NSD2: variants seen among roughly 807,000 people sequenced by gnomAD.
The protein encoded by NSD2 is histone-lysine N-methyltransferase NSD2.
In NSD2, 12 loss-of-function variants were observed where a neutral mutation model predicts 139.0. That is an observed-to-expected ratio of 0.09 (90% CI 0.06 to 0.14). NSD2 has a LOEUF of 0.14. Ranked by LOEUF, NSD2 falls within the 10% of genes least tolerant of loss-of-function variation. The pLI, the probability that NSD2 is intolerant of heterozygous loss-of-function variation, is 1.00. For synonymous variants in NSD2, 669 were observed against 648.7 expected, an observed-to-expected ratio of 1.03 and a Z score of -0.48; for missense variants, 1,155 against 1,745.0, an observed-to-expected ratio of 0.66 and a Z score of 6.02.
chr4:1,950,889 C>T (rs181938529), intron 9 of NSD2, among the ~76,000 whole-genome samples, 183 bp from the exon 10 acceptor site: 5 of 151,046 alleles, frequency 3.3e-5, no homozygotes, highest in East Asian at 2.0e-4. Flanking sequence ...GCCTAATTGA[C>T]GGGTTATATT....
intron 18 of NSD2, among the ~76,000 whole-genome samples, chr4:1,963,868 C>T (rs148612657): frequency 0.015 from 2,350 of 152,188 alleles, 33 homozygotes; most frequent in Non-Finnish European, 0.022. Context: ...AAAAATTAGC[C>T]GTGCCTGTGA....
intron 16 of NSD2, among the ~76,000 whole-genome samples, chr4:1,959,254 G>A (rs1404915677): frequency 6.6e-6 from 1 of 152,158 alleles, no homozygotes. Context: ...ATGTGAGGGG[G>A]CGTTGTGTTG....
chr4:1,886,076 C>T (rs1715056438), intron 1 of NSD2, among the ~76,000 whole-genome samples: 1 of 152,220 alleles, frequency 6.6e-6, no homozygotes. Flanking sequence ...CTTATCTTTT[C>T]CTTTACGAAA....
intron 1 of NSD2, among the ~76,000 whole-genome samples, chr4:1,896,289 G>A (rs1444505866): frequency 6.6e-6 from 1 of 152,234 alleles, no homozygotes; most frequent in Non-Finnish European, 1.5e-5. Flanking sequence ...TAAACCCTGG[G>A]GTCCTGCCAT....
Position 1,942,438 on chromosome 4 carries a change from G to C in NSD2, c.1881+2660G>C. On this transcript the variant is annotated intron_variant, in intron 9 of 21. Transcript: ENST00000508803. The surrounding 1 kb of genome is among the most constrained non-coding windows in gnomAD (Gnocchi z 4.0). ...ATTCCAGGATGCTGCTGCAGGTGGCGTATCATCGTACACACTCAGTGACAT... is the reference window on the plus strand; with the variant it reads ...ATTCCAGGATGCTGCTGCAGGTGGCCTATCATCGTACACACTCAGTGACAT... The C allele has an allele frequency of 6.3e-7, 1 of 1,598,458 alleles. No homozygotes were observed. The highest frequency in any genetic ancestry group is 1.7e-4 in the Middle Eastern group (1 of 6,018).
intron 1 of NSD2, among the ~76,000 whole-genome samples, chr4:1,880,368 T>C (rs570255560): frequency 5.9e-4 from 90 of 152,160 alleles, no homozygotes; most frequent in Non-Finnish European, 1.1e-3. Flanking sequence ...TTTTGCCTCT[T>C]GGAAAACTAA....
At position 1,918,611 on chromosome 4, in the gene NSD2, A is replaced by G; in HGVS notation, c.1398A>G (p.Lys466=). The G allele has an allele frequency of 6.2e-7, 1 of 1,613,760 alleles. No individual in the cohort carries two copies. Among genetic ancestry groups the G allele is most frequent in the Non-Finnish European group, 8.5e-7 (1 of 1,180,016 alleles). The change falls in exon 5 of 22, where the codon AAA becomes AAG. Residue 466 remains lysine (K), a synonymous_variant. Transcript: ENST00000508803. ...AASQFLVFCQ[K]HRDEVVAEHP... ...CCCAGTTTTTGGTCTTCTGTCAAAA[A>G]CACAGGGATGAGGTCAGTACTAAGT...
At chr4:1,891,313 T>C (rs1715522241) in intron 1 of NSD2, among the ~76,000 whole-genome samples, 1 of 152,236 alleles carries the variant, frequency 6.6e-6, no homozygotes. Context: ...TTTAGGTATG[T>C]GTAAATCATA....
At chr4:1,900,572 A>T in intron 1 of NSD2, 54 bp from the exon 2 acceptor site, 1 of 1,248,510 alleles carries the variant, frequency 8.0e-7, no homozygotes, top group Non-Finnish European at 1.1e-6. Context: ...TACCTATCCT[A>T]GGTTTTAAAT....
Position 1,953,516 on chromosome 4 carries a change from C to T in NSD2, c.2330C>T (p.Pro777Leu), listed in dbSNP as rs1192456885. The T allele has an allele frequency of 8.7e-6, 14 of 1,609,446 alleles. No individual in the cohort carries two copies. The highest frequency in any genetic ancestry group is 4.5e-5 in the East Asian group (2 of 44,860). Residue 777 changes from proline to leucine, a missense_variant, in exon 12 of 22, where the codon CCG becomes CTG. Pro to Leu is a moderately conservative substitution (Grantham distance 98). This residue lies in a region of NSD2 where 120 missense variants were observed against 239.3 expected (regional missense o/e 0.50). Coordinates refer to ENST00000508803, the MANE Select transcript of NSD2 (RefSeq NM_001042424.3). ...CHASNPSNPR[P>L]SKGKMMRCVR... ...GCTTCCAACCCTTCAAACCCAAGGC[C>T]GTCAAAAGGTACAGGTGCACCTGCG...
At chr4:1,930,043 G>T (rs529017211) in intron 5 of NSD2, among the ~76,000 whole-genome samples, 1 of 152,156 alleles carries the variant, frequency 6.6e-6, no homozygotes, top group Admixed American at 6.5e-5. Flanking sequence ...AGCATGCTCC[G>T]GGTGCTGATG....
At chr4:1,909,577 G>A (rs1718390688) in intron 3 of NSD2, among the ~76,000 whole-genome samples, 1 of 152,070 alleles carries the variant, frequency 6.6e-6, no homozygotes, top group African/African-American at 2.4e-5. Flanking sequence ...GCCGTGGAGT[G>A]GGCTGAGCAT....
chr4:1,941,609 C>A (rs1051002792), intron 9 of NSD2: 1 of 1,031,758 alleles, frequency 9.7e-7, no homozygotes, highest in South Asian at 4.6e-5. Context: ...TTATATAATA[C>A]ATTAAATATG....
chr4:1,906,957 G>A (rs767056481), intron 3 of NSD2, among the ~76,000 whole-genome samples: 9 of 152,030 alleles, frequency 5.9e-5, no homozygotes, highest in Non-Finnish European at 8.8e-5. Context: ...CACCGTGCCC[G>A]GCCTCATCTC....
intron 1 of NSD2, among the ~76,000 whole-genome samples, chr4:1,889,715 TCCTCAGGTGATCCACTCCTGA>T (rs1560563452): frequency 1.3e-5 from 2 of 151,880 alleles, no homozygotes; most frequent in Admixed American, 1.3e-4. Context: ...GTCAGGCTGG[TCCTCAGGTGATCCACTCCTGA>T]CCTCAGGTGA....
intron 3 of NSD2, among the ~76,000 whole-genome samples, chr4:1,907,615 C>CTTTTTTT (rs765535552): frequency 4.8e-4 from 45 of 93,652 alleles, no homozygotes; most frequent in African/African-American, 1.1e-3. Context: ...TGTTGAATCT[C>CTTTTTTT]TTTTTTTTTT....
intron 18 of NSD2, among the ~76,000 whole-genome samples, chr4:1,969,323 G>A (rs1017643200): frequency 2.6e-5 from 4 of 152,160 alleles, no homozygotes; most frequent in Admixed American, 1.3e-4. Context: ...CCATCAAGCC[G>A]ACAGCAGTGA....
At chr4:1,947,193 C>T (rs1416439028) in intron 9 of NSD2, 12 of 1,064,418 alleles carry the variant, frequency 1.1e-5, no homozygotes, top group African/African-American at 1.6e-5. Flanking sequence ...GTGGGATGGC[C>T]GCTGCTCAGG....
At position 1,912,849 on chromosome 4, in the gene NSD2, C is replaced by G. The variant is rs1718857296; in HGVS notation, c.761-4022C>G. 2.0e-5 allele frequency among the ~76,000 whole-genome samples: 3 copies of G among 152,212 alleles called. No individual in the cohort carries two copies. In the South Asian group the frequency reaches 6.2e-4, roughly 32 times the overall value. ...CCTTTTGCACTGCAGTAAGCTTAGA[C>G]TTTCTTTAAGCTGCTTTCCCTAGTT... On this transcript the variant is annotated intron_variant, in intron 3 of 21. Transcript: ENST00000508803.
Sources: gnomAD v4.1 joint callset for allele counts (sites outside exome capture counted in the v4.1 genomes callset) on GRCh38, gnomAD v4.1.1 for gene constraint, gnomAD v4.1.1 regional missense constraint, Gnocchi (gnomAD v3.1) non-coding constraint, MANE v1.5 for transcripts, NCBI Gene and HGNC (gene_info 2026-07-23, HGNC 2026-07-21) for gene names.